The following PLXNB1 variants were observed in gnomAD, a reference collection of about 807,000 sequenced individuals.
PLXNB1 encodes plexin B1, also known as plexin-B1.
PLXNB1 carries 106 observed loss-of-function variants against 209.4 expected under a neutral mutation model. The observed-to-expected ratio is 0.51, with a 90% CI of 0.43 to 0.59. The LOEUF (loss-of-function observed/expected upper bound fraction) is 0.59, where lower values mean the gene tolerates loss of function less well. Among genes scored for constraint, PLXNB1 ranks in the 20% least tolerant of loss-of-function variants. The pLI is 0.00. For missense variants in PLXNB1, 2,357 were observed against 2,853.2 expected (o/e 0.83, Z 3.96); for synonymous variants, 1,167 against 1,183.2 (o/e 0.99, Z 0.28).
In PLXNB1 at chr3:48,418,962, C is replaced by G. The variant is rs780473338; in HGVS notation, c.2910G>C (p.Glu970Asp). ...EVVVEARVECEPPPDTQCHVT... is the reference protein window; with the variant it reads ...EVVVEARVECDPPPDTQCHVT... ...CATGGCACTGGGTATCTGGAGGTGG[C>G]TCACACTCGACCCGGGCCTCAACCA... Residue 970 changes from glutamate to aspartate, a missense_variant, in exon 13 of 38, where the codon GAG (glutamate) becomes GAC (aspartate). Physicochemically the swap from Glu to Asp is conservative, Grantham distance 45. This residue lies in a region of PLXNB1 where 410 missense variants were observed against 401.0 expected (regional missense o/e 1.02). Transcript: ENST00000296440. This position sits in a 1 kb window ranked among gnomAD's most constrained non-coding sequence, Gnocchi z 6.6. The G allele has an allele frequency of 6.2e-7, 1 of 1,614,066 alleles. No individual in the cohort carries two copies.
intron 37 of PLXNB1, among the ~76,000 whole-genome samples, chr3:48,404,969 C>T (rs985044021): frequency 2.0e-5 from 3 of 152,178 alleles, no homozygotes; most frequent in Non-Finnish European, 4.4e-5. Flanking sequence ...GGAAAACAGA[C>T]ACTGATCAAA....
At position 48,405,662 on chromosome 3, in the gene PLXNB1, C is replaced by A; in HGVS notation, c.6303+62G>T. On this transcript the variant is annotated intron_variant, in intron 37 of 37. Coordinates refer to ENST00000296440, the MANE Select transcript of PLXNB1 (RefSeq NM_001130082.3). This position sits in a 1 kb window ranked among gnomAD's most constrained non-coding sequence, Gnocchi z 5.0. Reference sequence around the variant, plus strand: ...CCCAACGTGAGTCACAGGGTCAGAGCCCCTTAAGTCTCCTGGGAGGCCTTG... The same window carrying A: ...CCCAACGTGAGTCACAGGGTCAGAGACCCTTAAGTCTCCTGGGAGGCCTTG... 2 of 1,306,572 alleles carry A rather than the reference C, an allele frequency of 1.5e-6. No homozygotes were observed. Among genetic ancestry groups the A allele is most frequent in the Admixed American group, 1.8e-5 (1 of 55,986 alleles). The allele number at this position is 1,306,572 out of a possible 1,614,324, so 80.9% of individuals were successfully genotyped here. A position where few individuals can be genotyped will look rare whatever the true frequency, so the allele number is the denominator to read the frequency against.
rs776695232 is a variant in PLXNB1, at chr3:48,410,982, G to T, written c.5302C>A (p.Pro1768Thr). 2.5e-6 allele frequency: 4 copies of T among 1,613,618 alleles called. No homozygotes were observed. In the African/African-American group the frequency reaches 4.0e-5, roughly 16 times the overall value. Residue 1768 changes from proline to threonine, a missense_variant, in exon 29 of 38, where the codon CCC (proline) becomes ACC (threonine). By Grantham distance (38) the Pro-to-Thr change is conservative. Coordinates refer to ENST00000296440, the MANE Select transcript of PLXNB1 (RefSeq NM_001130082.3). The surrounding 1 kb of genome is among the most constrained non-coding windows in gnomAD (Gnocchi z 6.4). ...GTGTCACAGTCTAGGACCTTCACGG[G>T]CACGCCCTGGGCCTCTCCTGCCCCA... ...GPGAGEAQGV[P>T]VKVLDCDTIS...
Position 48,410,533 on chromosome 3 carries a change from G to A in PLXNB1, c.5442C>T (p.His1814=), listed in dbSNP as rs1055241674. The stretch of plus-strand genomic sequence containing the variant: ...TGACATCCTCGTCAGAAAGAATGAG[G>A]TGCCCGGCCACCCCAGACCGCCACT... ...DVEWRSGVAG[H]LILSDEDVTS... is the part of the protein sequence containing the mutation. The change falls in exon 30 of 38, where the codon CAC becomes CAT. Residue 1814 remains histidine, a synonymous_variant. Transcript: ENST00000296440. The surrounding 1 kb of genome is among the most constrained non-coding windows in gnomAD (Gnocchi z 6.4). The A allele has an allele frequency of 1.2e-6, 2 of 1,613,696 alleles. No homozygotes were observed. The highest frequency in any genetic ancestry group is 1.7e-6 in the Non-Finnish European group (2 of 1,180,000).
chr3:48,423,069 T>A (rs1472744459), intron 3 of PLXNB1, 122 bp from the exon 4 acceptor site: 1 of 828,992 alleles, frequency 1.2e-6, no homozygotes, highest in Non-Finnish European at 1.9e-6. Context: ...CAACTGTGTT[T>A]TCTCTGCTGG....
chr3:48,411,833 AC>A lies in PLXNB1; in HGVS notation c.5247+29del. On this transcript the variant is annotated intron_variant, in intron 28 of 37. Coordinates refer to ENST00000296440, the MANE Select transcript of PLXNB1 (RefSeq NM_001130082.3). This position sits in a 1 kb window ranked among gnomAD's most constrained non-coding sequence, Gnocchi z 4.0. ...CCACCCTCGCCCTCACCGCACTCAG[AC>A]TGCAGGCCACACACTTGCACACCCT... 6.2e-7 allele frequency: 1 copy of A among 1,610,720 alleles called. No homozygotes were observed. The highest frequency in any genetic ancestry group is 2.2e-5 in the East Asian group (1 of 44,858).
In PLXNB1 at chr3:48,424,285, C is replaced by G. The variant is rs770575184; in HGVS notation, c.327G>C (p.Val109=). 6.3e-7 allele frequency: 1 copy of G among 1,580,832 alleles called. No homozygotes were observed. The highest frequency in any genetic ancestry group is 1.8e-5 in the Admixed American group (1 of 54,842). Residue 109 remains valine, a synonymous_variant, in exon 3 of 38, where the codon GTG becomes GTC. Transcript: ENST00000296440. ...QLLLVSPGAL[V]VCGSVHQGVC... ...CCCCCTGGTGCACGCTCCCGCATACCACCAGGGCCCCTGGGCTCACCAGGA... is the reference window on the plus strand; with the variant it reads ...CCCCCTGGTGCACGCTCCCGCATACGACCAGGGCCCCTGGGCTCACCAGGA...
chr3:48,404,162 A>G lies in PLXNB1; in HGVS notation c.*324T>C, dbSNP rs1346557183. 4.6e-5 allele frequency: 13 copies of G among 283,844 alleles called. No homozygotes were observed. Among genetic ancestry groups the G allele is most frequent in the Non-Finnish European group, 7.3e-5 (11 of 151,230 alleles). The allele number at this position is 283,844 out of a possible 1,614,324, so 17.6% of individuals were successfully genotyped here. ...CCCAGTGTGGCCAAGGCCAGTGTTC[A>G]GGAACAGTACAGTCTCCCCAGGGGC... On this transcript the variant is annotated 3_prime_UTR_variant, in exon 38 of 38. Transcript: ENST00000296440.
Position 48,417,932 on chromosome 3 carries a change from T to C in PLXNB1, c.3353A>G (p.Gln1118Arg). 1 of 1,612,036 alleles carries C rather than the reference T, an allele frequency of 6.2e-7. No individual in the cohort carries two copies. Among genetic ancestry groups the C allele is most frequent in the Non-Finnish European group, 8.5e-7 (1 of 1,179,086 alleles). ...VAGVPCAVDA[Q>R]EYEVSSSLVC... ...TTACCTGCTGGAGACCTCGTACTCCTGGGCATCCACAGCACAGGGCACTCC... is the reference window on the plus strand; with the variant it reads ...TTACCTGCTGGAGACCTCGTACTCCCGGGCATCCACAGCACAGGGCACTCC... The change falls in exon 16 of 38, where the codon CAG (glutamine) becomes CGG (arginine). Residue 1118 changes from glutamine (Q) to arginine (R), a missense_variant. By Grantham distance (43) the Gln-to-Arg change is conservative. Around this residue, in one of 7 missense-constraint regions of PLXNB1, gnomAD observed 743 missense variants for 896.2 expected, o/e 0.83. Coordinates refer to ENST00000296440, the MANE Select transcript of PLXNB1 (RefSeq NM_001130082.3). This position sits in a 1 kb window ranked among gnomAD's most constrained non-coding sequence, Gnocchi z 4.4.
Position 48,410,428 on chromosome 3 carries a change from CCCT to C in PLXNB1, c.5520+24_5520+26del, listed in dbSNP as rs1158394104. ...CCTCCACCAGTCCCACCCCACCATG[CCCT>C]CCTCCAGCTCCCACTCCTCCTACCT... is the stretch of plus-strand genomic sequence containing the variant. On this transcript the variant is annotated intron_variant, in intron 30 of 37. Transcript: ENST00000296440. The surrounding 1 kb of genome is among the most constrained non-coding windows in gnomAD (Gnocchi z 6.4). 1.2e-6 allele frequency: 2 copies of C among 1,611,554 alleles called. No homozygotes were observed. Among genetic ancestry groups the C allele is most frequent in the Non-Finnish European group, 1.7e-6 (2 of 1,177,704 alleles).
chr3:48,407,515 T>C (rs1408425746), intron 34 of PLXNB1, among the ~76,000 whole-genome samples: 1 of 152,186 alleles, frequency 6.6e-6, no homozygotes, highest in Non-Finnish European at 1.5e-5. Flanking sequence ...TTGAAGCAGG[T>C]CTGTCCAGTT....
chr3:48,423,983 C>G lies in PLXNB1; in HGVS notation c.629G>C (p.Arg210Pro). 6.2e-7 allele frequency: 1 copy of G among 1,613,562 alleles called. No individual in the cohort carries two copies. Among genetic ancestry groups the G allele is most frequent in the Non-Finnish European group, 8.5e-7 (1 of 1,179,840 alleles). ...YEETAKLAVG[R>P]LSEYSHHFVS... ...GAAGTGGTGGCTGTACTCGGAGAGGCGGCCCACTGCCAGCTTGGCTGTCTC... is the reference window on the plus strand; with the variant it reads ...GAAGTGGTGGCTGTACTCGGAGAGGGGGCCCACTGCCAGCTTGGCTGTCTC... Residue 210 changes from arginine to proline, a missense_variant, in exon 3 of 38, where the codon CGC becomes CCC. By Grantham distance (103) the Arg-to-Pro change is moderately radical. Coordinates refer to ENST00000296440, the MANE Select transcript of PLXNB1 (RefSeq NM_001130082.3).
At position 48,404,462 on chromosome 3, in the gene PLXNB1, C is replaced by G. The variant is rs370593111; in HGVS notation, c.*24G>C. The G allele has an allele frequency of 2.9e-5, 44 of 1,527,440 alleles. No homozygotes were observed. In the Admixed American group the frequency reaches 5.3e-4, roughly 18 times the overall value. 94.6% of individuals were successfully genotyped at this position (1,527,440 alleles called of 1,614,324 possible). A position where few individuals can be genotyped will look rare whatever the true frequency, so the allele number is the denominator to read the frequency against. The stretch of plus-strand genomic sequence containing the variant: ...GGCTGCCCAGGCCAGGCTGAAGCAA[C>G]AGCAGGCCGTGGCTCCTGGGTTCCT... On this transcript the variant is annotated 3_prime_UTR_variant, in exon 38 of 38. Coordinates refer to ENST00000296440, the MANE Select transcript of PLXNB1 (RefSeq NM_001130082.3).
chr3:48,411,989 C>G lies in PLXNB1; in HGVS notation c.5121G>C (p.Leu1707=), dbSNP rs372838328. Residue 1707 remains leucine (L), a synonymous_variant, in exon 28 of 38, where the codon CTG becomes CTC. Transcript: ENST00000296440. This position sits in a 1 kb window ranked among gnomAD's most constrained non-coding sequence, Gnocchi z 4.0. ...TFVRDSVGEP[L]YMLFRGIKHQ... ...GCTTAATCCCTCGAAAGAGCATGTA[C>G]AGAGGCTCCCCTACGGAGTCCTAGG... 2 of 1,613,994 alleles carry G rather than the reference C, an allele frequency of 1.2e-6. No homozygotes were observed. Among genetic ancestry groups the G allele is most frequent in the Admixed American group, 1.7e-5 (1 of 59,998 alleles).
Position 48,414,922 on chromosome 3 carries a change from A to G in PLXNB1, c.4086T>C (p.Phe1362=). 1.2e-6 allele frequency: 2 copies of G among 1,613,988 alleles called. No homozygotes were observed. The highest frequency in any genetic ancestry group is 1.7e-6 in the Non-Finnish European group (2 of 1,180,032). ...GTGTGGGGTTCAGTGTTGCAAAGTC[A>G]AAGACCAGGTTGTCAAGGATAAATT... The part of the protein sequence containing the change: ...RVEFILDNLV[F]DFATLNPTPF... The change falls in exon 21 of 38, where the codon TTT becomes TTC. Residue 1362 remains phenylalanine, a synonymous_variant. Coordinates refer to ENST00000296440, the MANE Select transcript of PLXNB1 (RefSeq NM_001130082.3).
chr3:48,419,277 G>A lies in PLXNB1; in HGVS notation c.2799C>T (p.Ile933=). The part of the protein sequence containing the change: ...TLMPVHVERE[I]RLLGRNLHLF... ...GGTGCAGGTTCCTGCCTAGCAGCCG[G>A]ATTTCCCGCTCCACATGGACCGGCA... The change falls in exon 12 of 38, where the codon ATC becomes ATT. Residue 933 remains isoleucine, a synonymous_variant. Transcript: ENST00000296440. This position sits in a 1 kb window ranked among gnomAD's most constrained non-coding sequence, Gnocchi z 5.7. 6.3e-7 allele frequency: 1 copy of A among 1,595,168 alleles called. No individual in the cohort carries two copies. Among genetic ancestry groups the A allele is most frequent in the Non-Finnish European group, 8.6e-7 (1 of 1,167,982 alleles).
rs756140305 is a variant in PLXNB1, at chr3:48,420,146, C to A, written c.2140G>T (p.Gly714Trp). ...GAAGCTGTGGCTGTGGAGGGAGCCC[C>A]AGGCTCCACGGGAAGGGTGTCAGGA... ...PAPDTLPVEP[G>W]APSTATASDI... Residue 714 changes from glycine to tryptophan, a missense_variant, in exon 11 of 38, where the codon GGG becomes TGG. Coordinates refer to ENST00000296440, the MANE Select transcript of PLXNB1 (RefSeq NM_001130082.3). The A allele has an allele frequency of 6.2e-7, 1 of 1,608,074 alleles. No homozygotes were observed. Among genetic ancestry groups the A allele is most frequent in the Admixed American group, 1.7e-5 (1 of 59,368 alleles).
chr3:48,409,500 G>T lies in PLXNB1; in HGVS notation c.5940-24C>A, dbSNP rs756538210. The T allele has an allele frequency of 6.2e-7, 1 of 1,614,046 alleles. No homozygotes were observed. Among genetic ancestry groups the T allele is most frequent in the Non-Finnish European group, 8.5e-7 (1 of 1,179,986 alleles). Reference sequence around the variant, plus strand: ...AGCTGCGGGTGGGGCAGGCATGGCCGATGAATGTGCTGGGGAGGCAGAAGA... The same window carrying T: ...AGCTGCGGGTGGGGCAGGCATGGCCTATGAATGTGCTGGGGAGGCAGAAGA... On this transcript the variant is annotated intron_variant, in intron 33 of 37. Coordinates refer to ENST00000296440, the MANE Select transcript of PLXNB1 (RefSeq NM_001130082.3). This position sits in a 1 kb window ranked among gnomAD's most constrained non-coding sequence, Gnocchi z 5.8.
chr3:48,419,643 AG>A lies in PLXNB1; in HGVS notation c.2642del (p.Pro881LeufsTer44). On this transcript the variant is annotated frameshift_variant, in exon 11 of 38. Transcript: ENST00000296440. LOFTEE classifies it high-confidence loss of function. The surrounding 1 kb of genome is among the most constrained non-coding windows in gnomAD (Gnocchi z 5.7). The part of the protein sequence containing the change: ...GDGDSAELEG[P>X]PAPLILPSSL... ...TGGACGGGAGGATGAGGGGGGCGGG[AG>A]GGCCCTCAAGCTCTGCTGAGTCTCC... is the stretch of plus-strand genomic sequence containing the variant. 6.2e-7 allele frequency: 1 copy of A among 1,612,476 alleles called. No homozygotes were observed. The highest frequency in any genetic ancestry group is 8.5e-7 in the Non-Finnish European group (1 of 1,179,886).
Sources: gnomAD v4.1 joint callset for allele counts (sites outside exome capture counted in the v4.1 genomes callset) on GRCh38, gnomAD v4.1.1 for gene constraint, gnomAD v4.1.1 regional missense constraint, Gnocchi (gnomAD v3.1) non-coding constraint, MANE v1.5 for transcripts, NCBI Gene and HGNC (gene_info 2026-07-23, HGNC 2026-07-21) for gene names.